The following NCAM2 variants were observed in gnomAD, a reference collection of about 807,000 sequenced individuals.
The protein encoded by NCAM2 is N-CAM-2.
Under a neutral mutation model 98.1 loss-of-function variants are expected in NCAM2, and 30 were observed. The ratio of observed to expected loss-of-function variants is 0.31; its 90% CI spans 0.23 to 0.41. The LOEUF (loss-of-function observed/expected upper bound fraction) is 0.41. NCAM2 is among the 10% of genes least tolerant of loss of function. The pLI, the probability that NCAM2 is intolerant of heterozygous loss-of-function variation, is 1.00. For synonymous variants in NCAM2, 368 were observed against 342.4 expected, an observed-to-expected ratio of 1.07 and a Z score of -0.83; for missense variants, 867 against 1,005.8, an observed-to-expected ratio of 0.86 and a Z score of 1.87.
At chr21:21,465,592 A>T (rs540744518) in intron 12 of NCAM2, among the ~76,000 whole-genome samples, 2 of 151,926 alleles carry the variant, frequency 1.3e-5, no homozygotes. Flanking sequence ...TTATATTACA[A>T]TGTTATTGCA....
chr21:21,182,205 C>G (rs962710576), intron 1 of NCAM2, among the ~76,000 whole-genome samples: 1 of 151,900 alleles, frequency 6.6e-6, no homozygotes, highest in Admixed American at 6.6e-5. Flanking sequence ...TATATTTTAA[C>G]TGGTATTGAT....
intron 1 of NCAM2, among the ~76,000 whole-genome samples, chr21:21,178,915 G>A (rs1297554984): frequency 1.3e-5 from 2 of 152,018 alleles, no homozygotes; most frequent in Non-Finnish European, 2.9e-5. Flanking sequence ...ATAGTACACG[G>A]TGAAATTTTC....
At chr21:21,484,540 A>G (rs1046634401) in intron 15 of NCAM2, among the ~76,000 whole-genome samples, 5 of 152,102 alleles carry the variant, frequency 3.3e-5, no homozygotes, top group Admixed American at 2.6e-4. Flanking sequence ...TTATAGCCAT[A>G]AGTTTGTCTT....
At chr21:21,307,543 G>A (rs1213307876) in intron 5 of NCAM2, among the ~76,000 whole-genome samples, 1 of 152,084 alleles carries the variant, frequency 6.6e-6, no homozygotes, top group Non-Finnish European at 1.5e-5. Context: ...CACGATCCAG[G>A]GGTCAGCAAG....
Position 21,502,795 on chromosome 21 carries a change from C to G in NCAM2, c.2078-6056C>G, listed in dbSNP as rs182646204. Among the ~76,000 whole-genome samples the G allele has an allele frequency of 1.5e-3, 225 of 152,010 alleles. 1 individual carries two copies. The highest frequency in any genetic ancestry group is 5.2e-3 in the African/African-American group (214 of 41,536). On this transcript the variant is annotated intron_variant, in intron 15 of 17. Coordinates refer to ENST00000400546, the MANE Select transcript of NCAM2 (RefSeq NM_004540.5). Reference sequence around the variant, plus strand: ...ACAATATCTCTTATGAAAATAGCTACCAGTATTCTGGAAACAGCAACCAAT... The same window carrying G: ...ACAATATCTCTTATGAAAATAGCTAGCAGTATTCTGGAAACAGCAACCAAT...
rs1342873420 is a variant in NCAM2, at chr21:21,409,214, A to G, written c.1196-1060A>G. Among the ~76,000 whole-genome samples the G allele has an allele frequency of 7.9e-5, 12 of 152,118 alleles. 1 individual carries two copies. Among genetic ancestry groups the G allele is most frequent in the Admixed American group, 7.2e-4 (11 of 15,272 alleles). ...TTACAATATTTGGCATTTGATTTAG[A>G]TCGTAGTCCTGGGGTGGAGGAAGAG... On this transcript the variant is annotated intron_variant, in intron 9 of 17. Coordinates refer to ENST00000400546, the MANE Select transcript of NCAM2 (RefSeq NM_004540.5).
rs550494511 is a variant in NCAM2 at position 21,229,190 on chromosome 21, A to G, written c.56-51388A>G. 2.6e-5 allele frequency among the ~76,000 whole-genome samples: 4 copies of G among 151,660 alleles called. No individual in the cohort carries two copies. In the South Asian group the frequency reaches 8.3e-4, roughly 31 times the overall value. ...GGATTTTAATTTATCAAAATAATTT[A>G]AAAGTAATAAAATATACCTAAATGC... On this transcript the variant is annotated intron_variant, in intron 1 of 17. Transcript: ENST00000400546.
intron 1 of NCAM2, among the ~76,000 whole-genome samples, chr21:21,025,316 A>G (rs2064522570): frequency 6.6e-6 from 1 of 152,034 alleles, no homozygotes; most frequent in South Asian, 2.1e-4. Context: ...CAATCTCCTG[A>G]CCTCGTGGCC....
chr21:21,082,278 A>AAAC (rs1180916761), intron 1 of NCAM2, among the ~76,000 whole-genome samples: 12 of 43,712 alleles, frequency 2.7e-4, no homozygotes, highest in Non-Finnish European at 3.7e-4. Flanking sequence ...TCAGAGCTCA[A>AAAC]AACAAAAAAA....
chr21:21,351,412 C>T (rs2075336514), intron 8 of NCAM2, among the ~76,000 whole-genome samples: 1 of 151,922 alleles, frequency 6.6e-6, no homozygotes, highest in Non-Finnish European at 1.5e-5. Flanking sequence ...AAACCCTGAC[C>T]TCTTTATTTA....
At chr21:21,247,793 A>G (rs903507474) in intron 1 of NCAM2, among the ~76,000 whole-genome samples, 1 of 152,206 alleles carries the variant, frequency 6.6e-6, no homozygotes, top group Non-Finnish European at 1.5e-5. Context: ...ATCAATTATC[A>G]TAGTAGGAAT....
chr21:21,237,938 G>A (rs1157291008), intron 1 of NCAM2, among the ~76,000 whole-genome samples: 2 of 137,374 alleles, frequency 1.5e-5, no homozygotes, highest in Non-Finnish European at 3.1e-5. Flanking sequence ...TTTGTCCAGG[G>A]CATTGTAATT....
At chr21:21,439,483 A>T (rs1202016446) in intron 12 of NCAM2, among the ~76,000 whole-genome samples, 1 of 152,170 alleles carries the variant, frequency 6.6e-6, no homozygotes, top group Non-Finnish European at 1.5e-5. Context: ...GGAGGAAAAA[A>T]TATTTGTGGT....
intron 6 of NCAM2, among the ~76,000 whole-genome samples, chr21:21,333,299 G>A (rs1165606060): frequency 6.6e-6 from 1 of 152,104 alleles, no homozygotes; most frequent in Non-Finnish European, 1.5e-5. Context: ...CTCTAAATAT[G>A]TTCAAGTTTT....
intron 1 of NCAM2, among the ~76,000 whole-genome samples, chr21:21,027,789 TTATAA>T (rs2064582459): frequency 6.6e-6 from 1 of 152,208 alleles, no homozygotes; most frequent in African/African-American, 2.4e-5. Flanking sequence ...CTTCAGTAAT[TTATAA>T]TATGTCAAAA....
intron 16 of NCAM2, among the ~76,000 whole-genome samples, chr21:21,518,847 T>C (rs562677713): frequency 6.6e-6 from 1 of 152,212 alleles, no homozygotes; most frequent in East Asian, 1.9e-4. Flanking sequence ...AAGATGGCAG[T>C]TAATAAACGT....
intron 5 of NCAM2, among the ~76,000 whole-genome samples, chr21:21,312,731 T>C (rs1265955961): frequency 6.6e-6 from 1 of 151,872 alleles, no homozygotes; most frequent in Non-Finnish European, 1.5e-5. Context: ...GCTGTGTTCA[T>C]AAAAATGGGT....
chr21:21,049,995 T>A (rs1310557618), intron 1 of NCAM2, among the ~76,000 whole-genome samples: 1 of 152,224 alleles, frequency 6.6e-6, no homozygotes, highest in Non-Finnish European at 1.5e-5. Context: ...TTGATTCATT[T>A]CCTTAGGTTA....
chr21:21,461,872 A>G (rs942469294), intron 12 of NCAM2, among the ~76,000 whole-genome samples: 1 of 152,044 alleles, frequency 6.6e-6, no homozygotes, highest in African/African-American at 2.4e-5. Flanking sequence ...TTTCATTAAT[A>G]ATGGAATTCC....
Sources: allele counts gnomAD v4.1 joint callset (sites outside exome capture counted in the v4.1 genomes callset), GRCh38; gene constraint gnomAD v4.1.1; transcripts MANE v1.5; gene names NCBI Gene and HGNC (gene_info 2026-07-23, HGNC 2026-07-21).